PNPLA6: variants seen among roughly 807,000 people sequenced by gnomAD.
PNPLA6 encodes the protein patatin like domain 6, lysophospholipase.
PNPLA6 carries 105 observed loss-of-function variants against 153.7 expected under a neutral mutation model. The ratio of observed to expected loss-of-function variants is 0.68; its 90% CI spans 0.58 to 0.80. The LOEUF (loss-of-function observed/expected upper bound fraction) is 0.80, where lower values mean the gene tolerates loss of function less well. Ranked by LOEUF, PNPLA6 falls within the 30% of genes least tolerant of loss-of-function variation. The pLI is 0.00. For missense variants in PNPLA6, 1,423 were observed against 1,919.3 expected (o/e 0.74, Z 4.83); for synonymous variants, 825 against 822.2 (o/e 1.00, Z -0.06).
In PNPLA6 at chr19:7,540,871, G is replaced by A; in HGVS notation, c.796-52G>A. On this transcript the variant is annotated intron_variant, in intron 6 of 31. Coordinates refer to ENST00000600737, the MANE Select transcript of PNPLA6 (RefSeq NM_001166114.2). The surrounding 1 kb of genome is among the most constrained non-coding windows in gnomAD (Gnocchi z 6.8). ...CAGGAAGGATTAGGGGAGTAGCGAG[G>A]GGGACTCGCAGCCTCTGCCCTTGTC... 1 of 1,611,432 alleles carries A rather than the reference G, an allele frequency of 6.2e-7. No homozygotes were observed.
Position 7,554,878 on chromosome 19 carries a change from G to T in PNPLA6, c.2635-15G>T, listed in dbSNP as rs1436723547. On this transcript the variant is annotated splice_polypyrimidine_tract_variant and intron_variant, in intron 21 of 31. Coordinates refer to ENST00000600737, the MANE Select transcript of PNPLA6 (RefSeq NM_001166114.2). Reference sequence around the variant, plus strand: ...GGTGGGGCGGCTGGTGACCTCAGCCGTCCGTATTCCGCAGCTGGAGCAGAT... The same window carrying T: ...GGTGGGGCGGCTGGTGACCTCAGCCTTCCGTATTCCGCAGCTGGAGCAGAT... The T allele has an allele frequency of 1.3e-6, 2 of 1,578,746 alleles. No homozygotes were observed. Among genetic ancestry groups the T allele is most frequent in the African/African-American group, 1.3e-5 (1 of 74,450 alleles).
intron 18 of PNPLA6, among the ~76,000 whole-genome samples, chr19:7,552,548 G>C (rs539744628): frequency 6.6e-6 from 1 of 152,082 alleles, no homozygotes; most frequent in African/African-American, 2.4e-5. Context: ...TTGAGGTCAG[G>C]GGTTCGAGAC....
At chr19:7,536,926 CAAAAAAAAAAAA>C (rs56310906) in intron 3 of PNPLA6, among the ~76,000 whole-genome samples, 8 of 53,980 alleles carry the variant, frequency 1.5e-4, no homozygotes, top group African/African-American at 3.6e-4. Context: ...GACTCTGTCT[CAAAAAAAAAAAA>C]AAAAAAAAAA....
intron 20 of PNPLA6, 40 bp downstream of exon 20, chr19:7,554,312 G>A: frequency 6.3e-7 from 1 of 1,576,080 alleles, no homozygotes; most frequent in Non-Finnish European, 8.7e-7. Context: ...TGGTGGGTGG[G>A]CCTGGAGCCT....
chr19:7,545,050 G>T (rs999478672), intron 13 of PNPLA6, among the ~76,000 whole-genome samples: 1 of 151,448 alleles, frequency 6.6e-6, no homozygotes, highest in Non-Finnish European at 1.5e-5. Context: ...TTTCGGAGAC[G>T]GAGTCTTGCT....
At position 7,556,473 on chromosome 19, in the gene PNPLA6, A is replaced by T; in HGVS notation, c.3114A>T (p.Glu1038Asp). Residue 1038 changes from glutamate (E) to aspartate (D), a missense_variant, in exon 25 of 32, where the codon GAA (glutamate) becomes GAT (aspartate). Physicochemically the swap from Glu to Asp is conservative, Grantham distance 45. Transcript: ENST00000600737. ...EWAKSMTSVLEPVLDLTYPVT... is the reference protein window; with the variant it reads ...EWAKSMTSVLDPVLDLTYPVT... Reference sequence around the variant, plus strand: ...CCTAGAGCATGACTTCGGTGCTGGAACCTGTGTTGGACCTCACGTACCCAG... The same window carrying T: ...CCTAGAGCATGACTTCGGTGCTGGATCCTGTGTTGGACCTCACGTACCCAG... The T allele has an allele frequency of 6.2e-7, 1 of 1,612,612 alleles. No homozygotes were observed. The highest frequency in any genetic ancestry group is 1.1e-5 in the South Asian group (1 of 91,046).
intron 13 of PNPLA6, among the ~76,000 whole-genome samples, chr19:7,546,908 AT>A (rs35038958): frequency 3.4e-4 from 50 of 145,946 alleles, no homozygotes; most frequent in South Asian, 8.8e-4. Flanking sequence ...AGCCAATTCA[AT>A]TTTTTTTTTT....
rs138366337 is a variant in PNPLA6 at position 7,553,995 on chromosome 19, A to G, written c.2381A>G (p.Gln794Arg). 28 of 1,600,130 alleles carry G rather than the reference A, an allele frequency of 1.7e-5. No homozygotes were observed. In the African/African-American group the frequency reaches 3.8e-4, roughly 22 times the overall value. ...ATGGTGGCCTTCACGCTGGAGCTGC[A>G]GCACGCCCTGCAGGCCATCGGTCAG... is the stretch of plus-strand genomic sequence containing the variant. Reference protein sequence around the residue: ...VPMVAFTLELQHALQAIGPTL... With the variant: ...VPMVAFTLELRHALQAIGPTL... The change falls in exon 19 of 32, where the codon CAG becomes CGG. Residue 794 changes from glutamine (Q) to arginine (R), a missense_variant. Gln to Arg is a conservative substitution (Grantham distance 43). Coordinates refer to ENST00000600737, the MANE Select transcript of PNPLA6 (RefSeq NM_001166114.2).
At chr19:7,556,427 G>A (rs761923029) in intron 24 of PNPLA6, 26 bp from the exon 25 acceptor site, 1 of 1,410,952 alleles carries the variant, frequency 7.1e-7, no homozygotes, top group South Asian at 1.1e-5. Flanking sequence ...ACTCCTATTT[G>A]ACCCTGTCTG....
chr19:7,550,342 C>T lies in PNPLA6; in HGVS notation c.1859C>T (p.Thr620Met), dbSNP rs758444901. The T allele has an allele frequency of 1.9e-6, 3 of 1,612,550 alleles. No individual in the cohort carries two copies. Among genetic ancestry groups the T allele is most frequent in the East Asian group, 2.2e-5 (1 of 44,892 alleles). ...AGTGTGGTGCTGAGTGCGGCGCACACGGTGGCAGCCAGGATGTCGCCCTTC... is the reference window on the plus strand; with the variant it reads ...AGTGTGGTGCTGAGTGCGGCGCACATGGTGGCAGCCAGGATGTCGCCCTTC... ...QPSVVLSAAH[T>M]VAARMSPFVR... is the part of the protein sequence containing the mutation. The change falls in exon 15 of 32, where the codon ACG (threonine) becomes ATG (methionine). Residue 620 changes from threonine (T) to methionine (M), a missense_variant. Around this residue, in one of 10 missense-constraint regions of PNPLA6, gnomAD observed 119 missense variants for 163.7 expected, o/e 0.73. Coordinates refer to ENST00000600737, the MANE Select transcript of PNPLA6 (RefSeq NM_001166114.2).
chr19:7,556,367 G>A, intron 24 of PNPLA6, 86 bp from the exon 25 acceptor site: 3 of 851,444 alleles, frequency 3.5e-6, no homozygotes, highest in Non-Finnish European at 6.1e-6. Flanking sequence ...TGGCCCCTAA[G>A]TGCTGCTTGC....
At chr19:7,550,151 A>G (rs564242542) in intron 14 of PNPLA6, 39 bp downstream of exon 14, 2 of 1,611,634 alleles carry the variant, frequency 1.2e-6, no homozygotes, top group Admixed American at 3.3e-5. Flanking sequence ...TGGCACTCGG[A>G]GGACCCCAAC....
In PNPLA6 at chr19:7,551,017, G is replaced by A. The variant is rs8107538; in HGVS notation, c.2094G>A (p.Pro698=). 0.23 allele frequency: 354,840 copies of A among 1,545,670 alleles called. 43,116 individuals are homozygous for A. Among genetic ancestry groups the A allele is most frequent in the African/African-American group, 0.34 (24,702 of 72,944 alleles). The change falls in exon 17 of 32, where the codon CCG becomes CCA. Residue 698 remains proline (P), a synonymous_variant. Transcript: ENST00000600737. ...IGVVEALTRQ[P]RATTVHAVRD... ...AGGTGGAGGCACTGACCCGGCAGCC[G>A]CGAGCCACGACGGTGCACGCGGTGC...
chr19:7,554,556 A>G lies in PNPLA6; in HGVS notation c.2467A>G (p.Ile823Val), dbSNP rs1444957743. Residue 823 changes from isoleucine (I) to valine (V), a missense_variant and splice_region_variant, in exon 21 of 32, where the codon ATC becomes GTC. By Grantham distance (29) the Ile-to-Val change is conservative. Around this residue, in one of 10 missense-constraint regions of PNPLA6, gnomAD observed 643 missense variants for 835.2 expected, o/e 0.77. Coordinates refer to ENST00000600737, the MANE Select transcript of PNPLA6 (RefSeq NM_001166114.2). ...GACGCTGCCCCCTTCCCACCCTAGC[A>G]TCCAAGAGTTCCGGCTGTCAGGGTG... is the stretch of plus-strand genomic sequence containing the variant. ...ARLGASALDS[I>V]QEFRLSGWLA... 4 of 1,614,010 alleles carry G rather than the reference A, an allele frequency of 2.5e-6. No homozygotes were observed. The Admixed American group carries it at 6.7e-5, about 27-fold the overall frequency.
Position 7,542,544 on chromosome 19 carries a change from C to T in PNPLA6, c.1253-17C>T. On this transcript the variant is annotated splice_polypyrimidine_tract_variant and intron_variant, in intron 10 of 31. Transcript: ENST00000600737. The stretch of plus-strand genomic sequence containing the variant: ...TCTCATCTTTATGGTTTTTGTTGCC[C>T]CCCTGCCTGCCTGCAGGCTTGCAGG... 1 of 1,586,006 alleles carries T rather than the reference C, an allele frequency of 6.3e-7. No homozygotes were observed. Among genetic ancestry groups the T allele is most frequent in the East Asian group, 2.2e-5 (1 of 44,734 alleles).
In PNPLA6 at chr19:7,549,906, GGACGT is replaced by G; in HGVS notation, c.1611_1615del (p.Asp537GlufsTer67). On this transcript the variant is annotated frameshift_variant and splice_region_variant, in exon 14 of 32. Transcript: ENST00000600737. LOFTEE classifies it high-confidence loss of function. Reference sequence around the variant, plus strand: ...GTTCATCACATCCCCTGCCCGCACAGGACGTGAGCCTGCACTTCGTGCTCTGGGGC... The same window carrying G: ...GTTCATCACATCCCCTGCCCGCACAGGAGCCTGCACTTCGTGCTCTGGGGC... 1 of 1,613,442 alleles carries G rather than the reference GGACGT, an allele frequency of 6.2e-7. No homozygotes were observed. Among genetic ancestry groups the G allele is most frequent in the Non-Finnish European group, 8.5e-7 (1 of 1,180,036 alleles).
chr19:7,548,968 A>G (rs2023518156), intron 13 of PNPLA6, among the ~76,000 whole-genome samples: 1 of 150,546 alleles, frequency 6.6e-6, no homozygotes, highest in Non-Finnish European at 1.5e-5. Flanking sequence ...ACGCCTGGCT[A>G]ATTTTTTGTA....
At position 7,554,938 on chromosome 19, in the gene PNPLA6, C is replaced by T; in HGVS notation, c.2680C>T (p.Leu894=). 1 of 1,583,796 alleles carries T rather than the reference C, an allele frequency of 6.3e-7. No homozygotes were observed. Among genetic ancestry groups the T allele is most frequent in the Non-Finnish European group, 8.5e-7 (1 of 1,171,866 alleles). The part of the protein sequence containing the change: ...ENTAVRALKQ[L]VLLHREEGAG... ...CACGGCTGTGCGCGCCCTTAAGCAG[C>T]TAGTCCTGCTCCACCGAGAGGAGGG... Residue 894 remains leucine, a synonymous_variant, in exon 22 of 32, where the codon CTA becomes TTA. Transcript: ENST00000600737.
At chr19:7,547,377 T>A (rs1028948125) in intron 13 of PNPLA6, among the ~76,000 whole-genome samples, 4 of 152,336 alleles carry the variant, frequency 2.6e-5, no homozygotes, top group African/African-American at 9.6e-5. Flanking sequence ...TGAAGTGTAG[T>A]ATGTCATTGT....
Sources: gnomAD v4.1 joint callset for allele counts (sites outside exome capture counted in the v4.1 genomes callset) on GRCh38, gnomAD v4.1.1 for gene constraint, gnomAD v4.1.1 regional missense constraint, Gnocchi (gnomAD v3.1) non-coding constraint, MANE v1.5 for transcripts, NCBI Gene and HGNC (gene_info 2026-07-23, HGNC 2026-07-21) for gene names.